The following UGT3A1 variants were observed in gnomAD, a reference collection of about 807,000 sequenced individuals.
UGT3A1 encodes the protein UDP glycosyltransferase family 3 member A1, also known as UDP-glycosyltransferase 3A1.
A neutral mutation model predicts 37.6 loss-of-function variants in UGT3A1; 40 were observed. The observed-to-expected ratio is 1.06, with a 90% CI of 0.83 to 1.38. The LOEUF is 1.38. Ranked by LOEUF, UGT3A1 falls within the 40% of genes most tolerant of loss-of-function variation. The pLI is 0.00. For missense variants in UGT3A1, 642 were observed against 634.2 expected (o/e 1.01, Z -0.13); for synonymous variants, 256 against 232.3 (o/e 1.10, Z -0.93).
chr5:35,977,618 C>A (rs1209006481), intron 2 of UGT3A1, among the ~76,000 whole-genome samples: 6 of 152,202 alleles, frequency 3.9e-5, no homozygotes, highest in African/African-American at 1.4e-4. Flanking sequence ...AGTAAACTTC[C>A]TGAGGCCTCA....
intron 5 of UGT3A1, among the ~76,000 whole-genome samples, 188 bp downstream of exon 5, chr5:35,957,000 T>C (rs962756147): frequency 2.0e-5 from 3 of 152,196 alleles, no homozygotes; most frequent in African/African-American, 7.2e-5. Context: ...GTTTTCACCA[T>C]TTTTGAAGTA....
chr5:35,971,880 T>C (rs1182004249), intron 2 of UGT3A1, among the ~76,000 whole-genome samples: 1 of 152,136 alleles, frequency 6.6e-6, no homozygotes, highest in Non-Finnish European at 1.5e-5. Flanking sequence ...AAGCATGAGC[T>C]CGACCTTGGG....
At chr5:35,973,706 T>A (rs1740144944) in intron 2 of UGT3A1, among the ~76,000 whole-genome samples, 1 of 152,162 alleles carries the variant, frequency 6.6e-6, no homozygotes. Flanking sequence ...AGAGGCTCTG[T>A]GTTTGTTCTC....
intron 2 of UGT3A1, among the ~76,000 whole-genome samples, chr5:35,977,211 A>G (rs1432689292): frequency 1.3e-5 from 2 of 152,216 alleles, no homozygotes; most frequent in African/African-American, 4.8e-5. Context: ...TTTATTTGTA[A>G]TAGTCCCAAA....
chr5:35,954,106 A>C lies in UGT3A1; in HGVS notation c.*96T>G. On this transcript the variant is annotated 3_prime_UTR_variant, in exon 7 of 7. Transcript: ENST00000274278. ...AAGTTGCAGGATCAGTGGCAGGTGGAGCTGAAGAGAGAACAGAGGGGTGGC... is the reference window on the plus strand; with the variant it reads ...AAGTTGCAGGATCAGTGGCAGGTGGCGCTGAAGAGAGAACAGAGGGGTGGC... 2 of 1,316,436 alleles carry C rather than the reference A, an allele frequency of 1.5e-6. No individual in the cohort carries two copies. Among genetic ancestry groups the C allele is most frequent in the Non-Finnish European group, 2.1e-6 (2 of 953,414 alleles). 81.5% of individuals were successfully genotyped at this position (1,316,436 alleles called of 1,614,324 possible). A position where few individuals can be genotyped will look rare whatever the true frequency, so the allele number is the denominator to read the frequency against.
chr5:35,955,586 C>T, intron 6 of UGT3A1, 59 bp downstream of exon 6: 1 of 1,557,062 alleles, frequency 6.4e-7, no homozygotes, highest in Admixed American at 1.7e-5. Context: ...TACACAGTAT[C>T]CCTTGTGTTT....
At chr5:35,993,323 G>C (rs1254876240), upstream of UGT3A1, among the ~76,000 whole-genome samples, 1 of 152,102 alleles carries the variant, frequency 6.6e-6, no homozygotes, top group African/African-American at 2.4e-5. Flanking sequence ...AATTAGCTGG[G>C]CGTGGTAGCA....
intron 1 of UGT3A1, 44 bp from the exon 2 acceptor site, chr5:35,988,595 T>G: frequency 6.8e-7 from 1 of 1,476,790 alleles, no homozygotes; most frequent in Non-Finnish European, 9.3e-7. Flanking sequence ...GAAAATAGAG[T>G]TTCTGATGAC....
intron 2 of UGT3A1, among the ~76,000 whole-genome samples, chr5:35,972,494 C>CGT (rs4024103): frequency 0.13 from 17,731 of 141,180 alleles, 1,048 homozygotes; most frequent in Non-Finnish European, 0.13. Context: ...CCTTGAAATA[C>CGT]GTGTGTGTGT....
At chr5:35,978,606 C>A (rs116135596) in intron 2 of UGT3A1, among the ~76,000 whole-genome samples, 2 of 152,108 alleles carry the variant, frequency 1.3e-5, no homozygotes, top group Non-Finnish European at 1.5e-5. Flanking sequence ...GATTCAATCA[C>A]CTCCCACCAG....
chr5:35,957,134 G>A lies in UGT3A1; in HGVS notation c.1075+54C>T, dbSNP rs16902662. On this transcript the variant is annotated intron_variant, in intron 5 of 6. Transcript: ENST00000274278. ...CCCAGCTAGAGGTCAGAACACTGAC[G>A]AGCACCAAAGGCAGGTCAATGGAAA... The A allele has an allele frequency of 1.9e-3, 2,804 of 1,486,604 alleles. 47 individuals are homozygous for A. In the African/African-American group the frequency reaches 0.031, roughly 17 times the overall value. 92.1% of individuals were successfully genotyped at this position (1,486,604 alleles called of 1,614,324 possible).
At position 35,965,753 on chromosome 5, in the gene UGT3A1, A is replaced by C. The variant is rs533554529; in HGVS notation, c.476T>G (p.Val159Gly). 5 of 1,614,242 alleles carry C rather than the reference A, an allele frequency of 3.1e-6. No homozygotes were observed. The African/African-American group carries it at 6.7e-5, about 22-fold the overall frequency. The stretch of plus-strand genomic sequence containing the variant: ...GGGAAGAATGGCCACAAATGGTTTC[A>C]CAAGCTTCTCAGCAATCAGGAAAGA... ...FCSFLIAEKL[V>G]KPFVAILPTT... Residue 159 changes from valine (V) to glycine (G), a missense_variant, in exon 4 of 7, where the codon GTG (valine) becomes GGG (glycine). Coordinates refer to ENST00000274278, the MANE Select transcript of UGT3A1 (RefSeq NM_152404.4).
intron 2 of UGT3A1, among the ~76,000 whole-genome samples, chr5:35,985,675 C>G: frequency 6.6e-6 from 1 of 152,150 alleles, no homozygotes; most frequent in East Asian, 1.9e-4. Flanking sequence ...CAAAACCAAG[C>G]CACTGTCTCT....
At chr5:35,982,250 GCTGTC>G (rs1740554927) in intron 2 of UGT3A1, among the ~76,000 whole-genome samples, 1 of 152,228 alleles carries the variant, frequency 6.6e-6, no homozygotes, top group Non-Finnish European at 1.5e-5. Context: ...GCCTAGTGGA[GCTGTC>G]CTCCAGAAAC....
At position 35,955,559 on chromosome 5, in the gene UGT3A1, T is replaced by C. The variant is rs376132419; in HGVS notation, c.1295+86A>G. ...TTCCATGTCACAGAAGTTTCAGCTA[T>C]TATTGTGAAAAATACATACACAGTA... On this transcript the variant is annotated intron_variant, in intron 6 of 6. Coordinates refer to ENST00000274278, the MANE Select transcript of UGT3A1 (RefSeq NM_152404.4). 8.2e-6 allele frequency: 12 copies of C among 1,465,138 alleles called. No individual in the cohort carries two copies. In the African/African-American group the frequency reaches 1.3e-4, roughly 15 times the overall value. 90.8% of individuals were successfully genotyped at this position (1,465,138 alleles called of 1,614,324 possible).
In UGT3A1 at chr5:35,955,854, G is replaced by A. The variant is rs1203412790; in HGVS notation, c.1086C>T (p.Ser362=). 3.7e-6 allele frequency: 6 copies of A among 1,613,894 alleles called. No homozygotes were observed. Among genetic ancestry groups the A allele is most frequent in the Non-Finnish European group, 5.1e-6 (6 of 1,179,756 alleles). Residue 362 remains serine (S), a synonymous_variant, in exon 6 of 7, where the codon AGC becomes AGT. Transcript: ENST00000274278. ...LPQSDLLAHP[S]IRLFVTHGGQ... ...CACCATGAGTGACAAAAAGACGGAT[G>A]CTGGGGTGAGCTGTGGCAAATAAGA...
At chr5:35,982,933 T>C (rs570147474) in intron 2 of UGT3A1, among the ~76,000 whole-genome samples, 2 of 152,202 alleles carry the variant, frequency 1.3e-5, no homozygotes, top group Admixed American at 6.5e-5. Flanking sequence ...TGTTTGAAAA[T>C]GTGTAGCACC....
rs759699054 is a variant in UGT3A1, at chr5:35,965,528, C to T, written c.701G>A (p.Arg234Lys). The T allele has an allele frequency of 4.3e-6, 7 of 1,614,074 alleles. No individual in the cohort carries two copies. The highest frequency in any genetic ancestry group is 5.9e-6 in the Non-Finnish European group (7 of 1,180,030). The change falls in exon 4 of 7, where the codon AGG becomes AAG. Residue 234 changes from arginine (R) to lysine (K), a missense_variant. Coordinates refer to ENST00000274278, the MANE Select transcript of UGT3A1 (RefSeq NM_152404.4). The part of the protein sequence containing the change: ...TIKEHFPEGS[R>K]PVLSHLLLKA... The stretch of plus-strand genomic sequence containing the variant: ...CAGTAGAAGATGAGACAAAACTGGC[C>T]TAGAGCCTTCTGGGAAATGCTCCTT...
intron 2 of UGT3A1, among the ~76,000 whole-genome samples, chr5:35,973,207 G>T (rs1173052829): frequency 6.6e-6 from 1 of 152,122 alleles, no homozygotes; most frequent in African/African-American, 2.4e-5. Flanking sequence ...GAGTTATTTT[G>T]CTGAAAGATA....
Sources: allele counts gnomAD v4.1 joint callset (sites outside exome capture counted in the v4.1 genomes callset), GRCh38; gene constraint gnomAD v4.1.1; transcripts MANE v1.5; gene names NCBI Gene and HGNC (gene_info 2026-07-23, HGNC 2026-07-21).